GABRG3: variants seen among roughly 807,000 people sequenced by gnomAD.
GABRG3 encodes the protein gamma-aminobutyric acid receptor subunit gamma-3.
Under a neutral mutation model 48.8 loss-of-function variants are expected in GABRG3, and 25 were observed. The observed-to-expected ratio is 0.51, with a 90% CI of 0.37 to 0.72. GABRG3 has a LOEUF of 0.72. Among genes scored for constraint, GABRG3 ranks in the 30% least tolerant of loss-of-function variants. The pLI is 0.00. For missense variants in GABRG3, 394 were observed against 577.9 expected (o/e 0.68, Z 3.26); for synonymous variants, 227 against 217.6 (o/e 1.04, Z -0.38).
At chr15:27,292,179 G>C (rs534609075) in intron 3 of GABRG3, among the ~76,000 whole-genome samples, 12 of 149,440 alleles carry the variant, frequency 8.0e-5, no homozygotes, top group Non-Finnish European at 1.2e-4. Context: ...TCTTTATCCA[G>C]TCTATCATTG....
At chr15:26,981,655 A>G (rs1473911049) in intron 2 of GABRG3, among the ~76,000 whole-genome samples, 2 of 152,322 alleles carry the variant, frequency 1.3e-5, no homozygotes. Flanking sequence ...GGCACATACA[A>G]TTGCTGGTAC....
At chr15:27,438,203 C>T (rs940510206) in intron 5 of GABRG3, among the ~76,000 whole-genome samples, 2 of 152,222 alleles carry the variant, frequency 1.3e-5, no homozygotes, top group African/African-American at 4.8e-5. Flanking sequence ...AGGTTCCACT[C>T]TCCTGAAAAT....
intron 2 of GABRG3, among the ~76,000 whole-genome samples, chr15:27,004,482 G>A (rs1292170143): frequency 1.3e-5 from 2 of 150,874 alleles, no homozygotes; most frequent in South Asian, 2.1e-4. Flanking sequence ...CCAGGCAGAG[G>A]GGCTCCTCAC....
chr15:27,472,014 T>G (rs1053477802), intron 5 of GABRG3, among the ~76,000 whole-genome samples: 2 of 152,242 alleles, frequency 1.3e-5, no homozygotes, highest in Admixed American at 1.3e-4. Context: ...AGATCACATG[T>G]AATTCATAAT....
intron 3 of GABRG3, among the ~76,000 whole-genome samples, chr15:27,063,986 G>C (rs1174765898): frequency 6.6e-6 from 1 of 152,172 alleles, no homozygotes; most frequent in Non-Finnish European, 1.5e-5. Context: ...TGCCCTCTAG[G>C]TGCTGTCCCC....
intron 3 of GABRG3, among the ~76,000 whole-genome samples, chr15:27,094,071 A>G (rs905173040): frequency 1.3e-5 from 2 of 152,190 alleles, no homozygotes; most frequent in Non-Finnish European, 2.9e-5. Context: ...TGGGAGATGC[A>G]TATAGTTACC....
chr15:27,253,700 G>T (rs760898809), intron 3 of GABRG3, among the ~76,000 whole-genome samples: 1 of 152,214 alleles, frequency 6.6e-6, no homozygotes, highest in Non-Finnish European at 1.5e-5. Flanking sequence ...AGCTTCCCTC[G>T]ATGGAAAAGG....
chr15:26,985,669 T>C (rs17561924), intron 2 of GABRG3, among the ~76,000 whole-genome samples: 68,475 of 151,708 alleles, frequency 0.45, 16,498 homozygotes, highest in Middle Eastern at 0.57. Flanking sequence ...TTTTCTGAGC[T>C]GGTCTTGGTG....
At chr15:27,435,480 C>T (rs980466610) in intron 5 of GABRG3, among the ~76,000 whole-genome samples, 2 of 152,050 alleles carry the variant, frequency 1.3e-5, no homozygotes, top group Non-Finnish European at 2.9e-5. Flanking sequence ...TGCACACAGC[C>T]ATGGTGCACT....
chr15:27,080,440 C>T (rs948024870), intron 3 of GABRG3, among the ~76,000 whole-genome samples: 2 of 152,078 alleles, frequency 1.3e-5, no homozygotes, highest in Non-Finnish European at 1.5e-5. Context: ...AACAAGACTT[C>T]ATCTCTAAAA....
At chr15:27,321,267 CTA>C (rs1893416250) in intron 3 of GABRG3, among the ~76,000 whole-genome samples, 2 of 152,314 alleles carry the variant, frequency 1.3e-5, no homozygotes, top group Admixed American at 1.3e-4. Flanking sequence ...TTATGTAAAT[CTA>C]GCACAGTGCC....
intron 5 of GABRG3, among the ~76,000 whole-genome samples, chr15:27,357,625 A>G (rs1393968539): frequency 6.6e-6 from 1 of 152,230 alleles, no homozygotes; most frequent in Non-Finnish European, 1.5e-5. Flanking sequence ...ATTGTTTTAC[A>G]TTTTTGCAAA....
chr15:27,430,262 T>C lies in GABRG3; in HGVS notation c.575-50388T>C, dbSNP rs562271754. On this transcript the variant is annotated intron_variant, in intron 5 of 9. Transcript: ENST00000615808. Reference sequence around the variant, plus strand: ...TTCAATTGGGTTATCATTTTTATTGTTGAGTTGTAAAATATCTTTACACAT... The same window carrying C: ...TTCAATTGGGTTATCATTTTTATTGCTGAGTTGTAAAATATCTTTACACAT... 2.6e-5 allele frequency among the ~76,000 whole-genome samples: 4 copies of C among 152,350 alleles called. No homozygotes were observed. In the South Asian group the frequency reaches 8.3e-4, roughly 32 times the overall value.
chr15:27,401,811 A>G (rs1887482538), intron 5 of GABRG3, among the ~76,000 whole-genome samples: 1 of 151,128 alleles, frequency 6.6e-6, no homozygotes, highest in African/African-American at 2.4e-5. Context: ...TCATGTATTC[A>G]TTATTGACCA....
intron 6 of GABRG3, among the ~76,000 whole-genome samples, chr15:27,486,432 G>A (rs1158287634): frequency 6.6e-6 from 1 of 152,196 alleles, no homozygotes; most frequent in Non-Finnish European, 1.5e-5. Context: ...TTTACGTGTA[G>A]AAGCTTCTGT....
chr15:27,400,116 T>G (rs78949433), intron 5 of GABRG3, among the ~76,000 whole-genome samples: 1 of 152,204 alleles, frequency 6.6e-6, no homozygotes, highest in Non-Finnish European at 1.5e-5. Context: ...ATTTTTCAGA[T>G]GATGTTTTTC....
intron 3 of GABRG3, chr15:27,208,154 C>A: frequency 6.0e-6 from 1 of 167,784 alleles, no homozygotes; most frequent in South Asian, 1.5e-4. Context: ...AGGAACCCAT[C>A]ATTGGGGCTG....
chr15:27,078,190 A>G (rs1345467269), intron 3 of GABRG3, among the ~76,000 whole-genome samples: 5 of 152,298 alleles, frequency 3.3e-5, no homozygotes, highest in East Asian at 3.9e-4. Context: ...GGCTTCCCCA[A>G]TGTGAGTGGG....
intron 3 of GABRG3, among the ~76,000 whole-genome samples, chr15:27,133,199 C>T (rs971491268): frequency 1.3e-5 from 2 of 151,980 alleles, no homozygotes; most frequent in Non-Finnish European, 2.9e-5. Context: ...TATGATCATC[C>T]TTCCATCTTA....
Sources: gnomAD v4.1 joint callset for allele counts (sites outside exome capture counted in the v4.1 genomes callset) on GRCh38, gnomAD v4.1.1 for gene constraint, MANE v1.5 for transcripts, NCBI Gene and HGNC (gene_info 2026-07-23, HGNC 2026-07-21) for gene names.